The following CACNA2D3 variants were observed in gnomAD, a reference collection of about 807,000 sequenced individuals.
CACNA2D3 encodes voltage-dependent calcium channel subunit alpha-2/delta-3.
In CACNA2D3, 60 loss-of-function variants were observed where a neutral mutation model predicts 160.6. The ratio of observed to expected loss-of-function variants is 0.37; its 90% CI spans 0.30 to 0.46. CACNA2D3 has a LOEUF of 0.46. CACNA2D3 is among the 20% of genes least tolerant of loss of function. The pLI is 1.00. For synonymous variants in CACNA2D3, 558 were observed against 492.9 expected, an observed-to-expected ratio of 1.13 and a Z score of -1.75; for missense variants, 1,205 against 1,365.0, an observed-to-expected ratio of 0.88 and a Z score of 1.85.
intron 5 of CACNA2D3, among the ~76,000 whole-genome samples, chr3:54,532,688 A>G (rs570582429): frequency 1.2e-4 from 19 of 152,244 alleles, no homozygotes; most frequent in Admixed American, 1.2e-3. Flanking sequence ...CATTTTCTTT[A>G]TCCAGTCATC....
intron 12 of CACNA2D3, among the ~76,000 whole-genome samples, chr3:54,753,688 C>CA (rs1294514439): frequency 6.6e-6 from 1 of 152,182 alleles, no homozygotes; most frequent in East Asian, 1.9e-4. Flanking sequence ...TAACTTGCCT[C>CA]AATGTTCTAA....
At chr3:54,491,874 G>A (rs1305922321) in intron 4 of CACNA2D3, among the ~76,000 whole-genome samples, 1 of 152,168 alleles carries the variant, frequency 6.6e-6, no homozygotes, top group African/African-American at 2.4e-5. Context: ...GGACGTAGGT[G>A]GTGGAGGAGA....
At chr3:54,415,682 ATTC>A (rs944123367) in intron 4 of CACNA2D3, among the ~76,000 whole-genome samples, 3 of 152,206 alleles carry the variant, frequency 2.0e-5, no homozygotes, top group African/African-American at 7.2e-5. Context: ...TATTTCATTT[ATTC>A]TTCTCCCTAT....
chr3:54,446,207 A>G (rs919437752), intron 4 of CACNA2D3, among the ~76,000 whole-genome samples: 4 of 152,212 alleles, frequency 2.6e-5, no homozygotes, highest in African/African-American at 9.6e-5. Context: ...CCTAACGAAT[A>G]TGCTGTCTTT....
chr3:54,374,811 T>C (rs1698982230), intron 3 of CACNA2D3, among the ~76,000 whole-genome samples: 1 of 152,210 alleles, frequency 6.6e-6, no homozygotes, highest in African/African-American at 2.4e-5. Context: ...CCTAAATAAC[T>C]TTCAGATGTT....
chr3:54,796,024 G>A (rs946181720), intron 13 of CACNA2D3, among the ~76,000 whole-genome samples: 1 of 152,154 alleles, frequency 6.6e-6, no homozygotes, highest in Non-Finnish European at 1.5e-5. Flanking sequence ...CATATTAACA[G>A]ACCTCCCTTT....
At chr3:54,801,822 C>T (rs1334189054) in intron 13 of CACNA2D3, among the ~76,000 whole-genome samples, 1 of 151,972 alleles carries the variant, frequency 6.6e-6, no homozygotes, top group Non-Finnish European at 1.5e-5. Flanking sequence ...AATTGAAGTC[C>T]CATCCATACC....
At chr3:54,800,186 C>G (rs1052203734) in intron 13 of CACNA2D3, among the ~76,000 whole-genome samples, 1 of 150,386 alleles carries the variant, frequency 6.6e-6, no homozygotes, top group African/African-American at 2.5e-5. Context: ...CAGAAAAGAG[C>G]TTCCTTCCAT....
intron 2 of CACNA2D3, among the ~76,000 whole-genome samples, chr3:54,315,479 T>C (rs1430517222): frequency 6.6e-6 from 1 of 152,206 alleles, no homozygotes; most frequent in Non-Finnish European, 1.5e-5. Flanking sequence ...CAAGTGTTTT[T>C]ATGGTAGTAA....
In CACNA2D3 at chr3:54,807,035, T is replaced by C. The variant is rs1019395826; in HGVS notation, c.1381-9818T>C. The stretch of plus-strand genomic sequence containing the variant: ...GCTGAAACTGGATCCCTTCCTTACA[T>C]CTTATACAAAAATTAATTCAAGATA... On this transcript the variant is annotated intron_variant, in intron 13 of 37. Coordinates refer to ENST00000474759, the MANE Select transcript of CACNA2D3 (RefSeq NM_018398.3). 6.6e-5 allele frequency among the ~76,000 whole-genome samples: 10 copies of C among 152,166 alleles called. No individual in the cohort carries two copies. The South Asian group carries it at 1.2e-3, about 19-fold the overall frequency.
At chr3:54,788,062 CT>C (rs1363334752) in intron 13 of CACNA2D3, among the ~76,000 whole-genome samples, 2 of 152,192 alleles carry the variant, frequency 1.3e-5, no homozygotes, top group Non-Finnish European at 2.9e-5. Flanking sequence ...TTTTATACTG[CT>C]CTGTCCCCAA....
At chr3:55,023,378 TCTG>T (rs1703501597) in intron 35 of CACNA2D3, among the ~76,000 whole-genome samples, 1 of 152,220 alleles carries the variant, frequency 6.6e-6, no homozygotes, top group Non-Finnish European at 1.5e-5. Flanking sequence ...TCCTGTCTGG[TCTG>T]CTGCTTAAAC....
At chr3:54,288,373 G>A (rs1315429335) in intron 2 of CACNA2D3, among the ~76,000 whole-genome samples, 1 of 152,108 alleles carries the variant, frequency 6.6e-6, no homozygotes, top group African/African-American at 2.4e-5. Flanking sequence ...ACTAAACCAG[G>A]AAGAAGTTGA....
chr3:54,309,795 T>C (rs964947003), intron 2 of CACNA2D3, among the ~76,000 whole-genome samples: 6 of 152,082 alleles, frequency 3.9e-5, no homozygotes, highest in African/African-American at 1.2e-4. Flanking sequence ...TTGGTTCATT[T>C]CCATGCTTCT....
intron 8 of CACNA2D3, among the ~76,000 whole-genome samples, chr3:54,579,395 C>G (rs760474256): frequency 8.5e-5 from 13 of 152,106 alleles, no homozygotes; most frequent in Admixed American, 2.0e-4. Flanking sequence ...CTCATAGTTG[C>G]AAAATGGCTG....
chr3:54,896,120 A>T (rs1448518754), intron 25 of CACNA2D3, among the ~76,000 whole-genome samples: 1 of 152,082 alleles, frequency 6.6e-6, no homozygotes, highest in Non-Finnish European at 1.5e-5. Context: ...AAGAGATAGA[A>T]AGAAGACTGC....
At chr3:54,737,180 A>ATGTG (rs1260108421) in intron 11 of CACNA2D3, among the ~76,000 whole-genome samples, 9 of 91,794 alleles carry the variant, frequency 9.8e-5, no homozygotes, top group Non-Finnish European at 1.3e-4. Context: ...ATCCATGTGT[A>ATGTG]TATGTGTGTG....
chr3:54,987,865 TTG>T, intron 31 of CACNA2D3, 112 bp downstream of exon 31: 1 of 661,060 alleles, frequency 1.5e-6, no homozygotes, highest in Non-Finnish European at 2.5e-6. Flanking sequence ...TGGTTTTTAC[TTG>T]TGTTCATGCT....
chr3:54,917,363 G>A (rs1575369893), intron 27 of CACNA2D3, among the ~76,000 whole-genome samples: 1 of 152,192 alleles, frequency 6.6e-6, no homozygotes, highest in African/African-American at 2.4e-5. Context: ...TAACATTGAG[G>A]ATAGCTGCCG....
Sources: gnomAD v4.1 joint callset for allele counts (sites outside exome capture counted in the v4.1 genomes callset) on GRCh38, gnomAD v4.1.1 for gene constraint, MANE v1.5 for transcripts, NCBI Gene and HGNC (gene_info 2026-07-23, HGNC 2026-07-21) for gene names.